PREP: variants seen among roughly 807,000 people sequenced by gnomAD.
PREP encodes the protein prolyl endopeptidase.
PREP carries 29 observed loss-of-function variants against 87.6 expected under a neutral mutation model. That is an observed-to-expected ratio of 0.33 (90% CI 0.25 to 0.45). PREP has a LOEUF of 0.45. Ranked by LOEUF, PREP falls within the 20% of genes least tolerant of loss-of-function variation. The pLI, the probability that PREP is intolerant of heterozygous loss-of-function variation, is 1.00. For missense variants in PREP, 695 were observed against 886.5 expected (o/e 0.78, Z 2.74); for synonymous variants, 337 against 328.6 (o/e 1.03, Z -0.28).
intron 10 of PREP, among the ~76,000 whole-genome samples, chr6:105,301,969 C>T (rs539412575): frequency 2.0e-5 from 3 of 152,284 alleles, no homozygotes; most frequent in Non-Finnish European, 2.9e-5. Flanking sequence ...AGCTGGATCT[C>T]GTGCTATGGC....
chr6:105,350,735 G>C (rs1367021935), intron 7 of PREP, among the ~76,000 whole-genome samples: 1 of 152,140 alleles, frequency 6.6e-6, no homozygotes, highest in Non-Finnish European at 1.5e-5. Context: ...GTGAATAACT[G>C]CAATTGTTGA....
intron 7 of PREP, among the ~76,000 whole-genome samples, chr6:105,344,384 C>A (rs1771743211): frequency 6.6e-6 from 1 of 151,286 alleles, no homozygotes; most frequent in African/African-American, 2.4e-5. Context: ...CCCAGCTACT[C>A]AGGAGGCTTA....
At chr6:105,287,196 T>C (rs943235626) in intron 11 of PREP, among the ~76,000 whole-genome samples, 3 of 152,104 alleles carry the variant, frequency 2.0e-5, no homozygotes, top group Non-Finnish European at 4.4e-5. Flanking sequence ...AACACATAGA[T>C]ACCAATGTGT....
At chr6:105,368,796 C>T in intron 6 of PREP, 107 bp downstream of exon 6, 6 of 1,331,542 alleles carry the variant, frequency 4.5e-6, no homozygotes, top group Non-Finnish European at 6.2e-6. Flanking sequence ...AGAATATTCA[C>T]TCATGGGACT....
chr6:105,368,763 T>C, intron 6 of PREP, 140 bp downstream of exon 6: 1 of 1,025,942 alleles, frequency 9.7e-7, no homozygotes, highest in Non-Finnish European at 1.4e-6. Flanking sequence ...AGAGTCAATC[T>C]GAATACCAAT....
At chr6:105,300,510 A>G in intron 10 of PREP, among the ~76,000 whole-genome samples, 1 of 152,238 alleles carries the variant, frequency 6.6e-6, no homozygotes, top group East Asian at 1.9e-4. Flanking sequence ...CAACTTTTTA[A>G]GTAATCAATT....
chr6:105,330,273 C>G lies in PREP; in HGVS notation c.1016-1247G>C, dbSNP rs981651140. Among the ~76,000 whole-genome samples the G allele has an allele frequency of 1.8e-4, 27 of 152,158 alleles. 1 individual carries two copies. Among genetic ancestry groups the G allele is most frequent in the Middle Eastern group, 3.4e-3 (1 of 294 alleles). On this transcript the variant is annotated intron_variant, in intron 8 of 14. Transcript: ENST00000652536. The stretch of plus-strand genomic sequence containing the variant: ...CTGAATGCAGAACAATGGAAGTCTA[C>G]GGAGGGGAGAAGAGTAAGAGCACTA...
chr6:105,352,938 G>T (rs972556434), intron 7 of PREP, 34 bp downstream of exon 7: 2 of 1,535,028 alleles, frequency 1.3e-6, no homozygotes, highest in Admixed American at 3.4e-5. Context: ...GAAGTTTCTT[G>T]GAATAACTAT....
intron 2 of PREP, among the ~76,000 whole-genome samples, chr6:105,397,227 GCACTC>G (rs1178853671): frequency 6.6e-6 from 1 of 150,906 alleles, no homozygotes; most frequent in Non-Finnish European, 1.5e-5. Context: ...CAAGTCCTAG[GCACTC>G]CAAAAAGGGA....
chr6:105,300,403 C>T (rs1157830817), intron 10 of PREP, among the ~76,000 whole-genome samples: 1 of 152,010 alleles, frequency 6.6e-6, no homozygotes, highest in African/African-American at 2.4e-5. Flanking sequence ...GGCCATTCTA[C>T]CAAAAAAATT....
At chr6:105,336,576 A>G (rs530442688) in intron 7 of PREP, among the ~76,000 whole-genome samples, 48 of 152,352 alleles carry the variant, frequency 3.2e-4, no homozygotes, top group Non-Finnish European at 5.6e-4. Flanking sequence ...TGAACCTTTT[A>G]TTGAAGTATT....
At chr6:105,323,869 G>A in intron 9 of PREP, 101 bp from the exon 10 acceptor site, 1 of 993,110 alleles carries the variant, frequency 1.0e-6, no homozygotes, top group Non-Finnish European at 1.6e-6. Flanking sequence ...TGGCAAGAGA[G>A]GATCATTTAT....
intron 5 of PREP, among the ~76,000 whole-genome samples, chr6:105,372,049 C>A (rs1000731836): frequency 7.2e-5 from 11 of 152,012 alleles, no homozygotes; most frequent in African/African-American, 2.7e-4. Flanking sequence ...TTTCTTTAGC[C>A]AACATCCTTG....
At chr6:105,398,586 C>G (rs967038726) in intron 1 of PREP, among the ~76,000 whole-genome samples, 1 of 152,114 alleles carries the variant, frequency 6.6e-6, no homozygotes, top group Non-Finnish European at 1.5e-5. Context: ...AAAAGCATCA[C>G]CCATTCAGGT....
At chr6:105,331,458 G>A (rs1370219413) in intron 8 of PREP, among the ~76,000 whole-genome samples, 1 of 152,170 alleles carries the variant, frequency 6.6e-6, no homozygotes, top group East Asian at 1.9e-4. Context: ...CATCCATGAT[G>A]GTGTCCTATA....
chr6:105,293,468 A>G (rs940468967), intron 10 of PREP, among the ~76,000 whole-genome samples: 5 of 152,144 alleles, frequency 3.3e-5, no homozygotes, highest in Admixed American at 1.3e-4. Context: ...AACAAACACA[A>G]TAATAATGAA....
chr6:105,398,971 G>T (rs6916774), intron 1 of PREP, among the ~76,000 whole-genome samples: 2 of 152,000 alleles, frequency 1.3e-5, no homozygotes, highest in African/African-American at 4.8e-5. Flanking sequence ...AGCCGGGCAT[G>T]GTGGCAGGTG....
intron 10 of PREP, among the ~76,000 whole-genome samples, chr6:105,320,693 A>C (rs181612674): frequency 4.6e-5 from 7 of 152,328 alleles, no homozygotes; most frequent in Admixed American, 3.9e-4. Context: ...AAAGAAATGA[A>C]ACATAGCCTG....
intron 1 of PREP, 36 bp downstream of exon 1, chr6:105,402,811 C>T: frequency 6.5e-7 from 1 of 1,528,920 alleles, no homozygotes; most frequent in Non-Finnish European, 8.8e-7. Flanking sequence ...GGCACCTTTG[C>T]CCGGGAGCCC....
Sources: gnomAD v4.1 joint callset for allele counts (sites outside exome capture counted in the v4.1 genomes callset) on GRCh38, gnomAD v4.1.1 for gene constraint, MANE v1.5 for transcripts, NCBI Gene and HGNC (gene_info 2026-07-23, HGNC 2026-07-21) for gene names.